The following CCDC7 variants were observed in gnomAD, a reference collection of about 807,000 sequenced individuals.
CCDC7 encodes coiled-coil domain-containing protein 7.
A neutral mutation model predicts 196.9 loss-of-function variants in CCDC7; 183 were observed. That is an observed-to-expected ratio of 0.93 (90% CI 0.82 to 1.05). CCDC7 has a LOEUF of 1.05. CCDC7 is among the 50% of genes least tolerant of loss of function. CCDC7 has a pLI of 0.00. For synonymous variants in CCDC7, 525 were observed against 484.6 expected (o/e 1.08, Z -1.10); for missense variants, 1,540 against 1,482.2 (o/e 1.04, Z -0.64).
chr10:32,786,297 A>C (rs1015310875), intron 29 of CCDC7, among the ~76,000 whole-genome samples: 1 of 152,230 alleles, frequency 6.6e-6, no homozygotes, highest in African/African-American at 2.4e-5. Flanking sequence ...GAGAAAAGAT[A>C]ATCTCTAGCA....
intron 9 of CCDC7, among the ~76,000 whole-genome samples, chr10:32,498,081 A>T (rs1472662289): frequency 1.3e-5 from 2 of 152,064 alleles, no homozygotes; most frequent in Non-Finnish European, 2.9e-5. Flanking sequence ...GTGCTCCTGT[A>T]TTGGGTGCAT....
chr10:32,736,701 T>C (rs1592189566), intron 28 of CCDC7, among the ~76,000 whole-genome samples: 2 of 152,202 alleles, frequency 1.3e-5, no homozygotes, highest in Non-Finnish European at 2.9e-5. Flanking sequence ...GTGTGTTTAA[T>C]TTGAAATATC....
intron 18 of CCDC7, among the ~76,000 whole-genome samples, chr10:32,591,503 T>A (rs1311027930): frequency 6.7e-6 from 1 of 148,860 alleles, no homozygotes; most frequent in Non-Finnish European, 1.5e-5. Context: ...TTTGCTTGTT[T>A]TTTTGTTTGT....
intron 11 of CCDC7, among the ~76,000 whole-genome samples, chr10:32,534,325 G>A (rs1026712721): frequency 1.3e-5 from 2 of 152,090 alleles, no homozygotes; most frequent in African/African-American, 4.8e-5. Flanking sequence ...CTACCTTGGA[G>A]ATCACTGAGT....
intron 11 of CCDC7, among the ~76,000 whole-genome samples, chr10:32,529,553 G>A (rs2049296457): frequency 6.6e-6 from 1 of 151,924 alleles, no homozygotes; most frequent in Non-Finnish European, 1.5e-5. Context: ...ATGTTTATTG[G>A]CCATTTGTAT....
downstream of CCDC7, among the ~76,000 whole-genome samples, chr10:32,879,522 A>G (rs2094713432): frequency 6.6e-6 from 1 of 152,108 alleles, no homozygotes. Flanking sequence ...ACCCCAAACA[A>G]TGAATCAACC....
chr10:32,499,934 T>A (rs1275776530), intron 9 of CCDC7, among the ~76,000 whole-genome samples: 2 of 152,320 alleles, frequency 1.3e-5, no homozygotes, highest in Admixed American at 1.3e-4. Context: ...GGTTATAGAT[T>A]AACAGCATCC....
chr10:32,543,279 G>C (rs756881831), intron 11 of CCDC7, 21 bp from the exon 13 acceptor site: 4 of 1,376,102 alleles, frequency 2.9e-6, no homozygotes, highest in Non-Finnish European at 2.9e-6. Flanking sequence ...CTTTATTTCT[G>C]GCTTATGTAA....
At chr10:32,552,254 CT>C (rs111940014) in intron 13 of CCDC7, among the ~76,000 whole-genome samples, 20,402 of 152,024 alleles carry the variant, frequency 0.13, 1,622 homozygotes, top group African/African-American at 0.23. Flanking sequence ...CATGAAATGC[CT>C]TTTTCCACCC....
chr10:32,595,951 C>CT (rs780925264), intron 18 of CCDC7, among the ~76,000 whole-genome samples: 10 of 152,108 alleles, frequency 6.6e-5, no homozygotes, highest in Non-Finnish European at 1.3e-4. Context: ...CTGAGGAGTG[C>CT]TTTACTTCCA....
intron 19 of CCDC7, 87 bp from the exon 21 acceptor site, chr10:32,634,970 T>A (rs1178807913): frequency 2.5e-6 from 1 of 395,938 alleles, no homozygotes; most frequent in Non-Finnish European, 4.5e-6. Flanking sequence ...CTAGTCCTAT[T>A]CCATTAATTT....
chr10:32,660,583 C>T (rs1473992588), intron 20 of CCDC7, among the ~76,000 whole-genome samples: 2 of 146,030 alleles, frequency 1.4e-5, no homozygotes, highest in South Asian at 2.3e-4. Context: ...CCGCAATAAA[C>T]ATACGTGTGC....
chr10:32,781,575 A>T (rs1044151361), intron 29 of CCDC7, among the ~76,000 whole-genome samples: 3 of 152,222 alleles, frequency 2.0e-5, no homozygotes, highest in African/African-American at 7.2e-5. Flanking sequence ...CTCTCAGTTG[A>T]TGCAGACAAA....
At chr10:32,574,766 C>G (rs1008932176) in intron 16 of CCDC7, among the ~76,000 whole-genome samples, 1 of 152,064 alleles carries the variant, frequency 6.6e-6, no homozygotes, top group African/African-American at 2.4e-5. Flanking sequence ...CACAGTCAAC[C>G]TAGTTCTTTC....
chr10:32,845,478 A>G (rs1272458660), intron 34 of CCDC7, 65 bp from the exon 36 acceptor site: 1 of 1,399,160 alleles, frequency 7.1e-7, no homozygotes, highest in East Asian at 2.3e-5. Flanking sequence ...TTAAACACAA[A>G]AACACACACA....
chr10:32,446,892 G>GCCTGCCTGCCTGCCTCCCTC (rs1232361287), upstream of CCDC7, among the ~76,000 whole-genome samples: 1 of 81,692 alleles, frequency 1.2e-5, no homozygotes, highest in African/African-American at 2.9e-5. Context: ...TTGCCTGCCT[G>GCCTGCCTGCCTGCCTCCCTC]CCTGCCTGCC....
At chr10:32,563,487 A>T (rs1344620927) in intron 13 of CCDC7, among the ~76,000 whole-genome samples, 2 of 152,220 alleles carry the variant, frequency 1.3e-5, no homozygotes, top group Non-Finnish European at 2.9e-5. Context: ...GTCCTCAGAA[A>T]TAATGCCACA....
intron 28 of CCDC7, among the ~76,000 whole-genome samples, chr10:32,735,097 A>G (rs1398035270): frequency 6.6e-6 from 1 of 152,186 alleles, no homozygotes; most frequent in Non-Finnish European, 1.5e-5. Flanking sequence ...TTTTTTCACA[A>G]TACTCCTAAA....
chr10:32,670,767 TG>T (rs1233969201), intron 21 of CCDC7, among the ~76,000 whole-genome samples: 1 of 152,146 alleles, frequency 6.6e-6, no homozygotes, highest in African/African-American at 2.4e-5. Flanking sequence ...TCTTTTCTAT[TG>T]TTTTTTTCTC....
Sources: gnomAD v4.1 joint callset for allele counts (sites outside exome capture counted in the v4.1 genomes callset) on GRCh38, gnomAD v4.1.1 for gene constraint, MANE v1.5 for transcripts, NCBI Gene and HGNC (gene_info 2026-07-23, HGNC 2026-07-21) for gene names.